Variants in GALK2 observed in about 807,000 individuals in gnomAD.
GALK2 encodes the protein N-acetylgalactosamine kinase.
Under a neutral mutation model 52.4 loss-of-function variants are expected in GALK2, and 36 were observed. That is an observed-to-expected ratio of 0.69 (90% CI 0.53 to 0.91). GALK2 has a LOEUF of 0.91. Ranked by LOEUF, GALK2 falls within the 40% of genes least tolerant of loss-of-function variation. The probability of loss-of-function intolerance (pLI) is 0.00; values close to 1 mark genes in which losing one functional copy is unlikely to be tolerated. For missense variants in GALK2, 579 were observed against 559.1 expected, an observed-to-expected ratio of 1.04 and a Z score of -0.36; for synonymous variants, 176 against 199.1, an observed-to-expected ratio of 0.88 and a Z score of 0.98.
At chr15:49,157,122 G>C (rs2084484569) in intron 1 of GALK2, among the ~76,000 whole-genome samples, 1 of 152,130 alleles carries the variant, frequency 6.6e-6, no homozygotes, top group Non-Finnish European at 1.5e-5. Flanking sequence ...GAGTTAATTT[G>C]TTATTTTAGA....
chr15:49,239,076 T>A, intron 4 of GALK2, 145 bp from the exon 5 acceptor site: 1 of 627,052 alleles, frequency 1.6e-6, no homozygotes, highest in South Asian at 2.2e-5. Context: ...ACATATAGTC[T>A]CAACTAAATT....
intron 3 of GALK2, chr15:49,354,091 G>A (rs891455939): frequency 1.3e-5 from 2 of 152,164 alleles, no homozygotes; most frequent in African/African-American, 4.8e-5. Flanking sequence ...CCACATCACA[G>A]ATAATTCACA....
chr15:49,178,919 T>G (rs2085740842), intron 1 of GALK2, among the ~76,000 whole-genome samples: 1 of 152,252 alleles, frequency 6.6e-6, no homozygotes, highest in Non-Finnish European at 1.5e-5. Flanking sequence ...AGCTGTGGCC[T>G]TAATTTCCAC....
In GALK2 at chr15:49,328,670, G is replaced by T; in HGVS notation, c.*511G>T. ...CACATTCTCTCTCAATTTCAGCTTC[G>T]GAACGCTATGAAAATAATACATGAT... On this transcript the variant is annotated 3_prime_UTR_variant, in exon 10 of 10. Coordinates refer to ENST00000560031, the MANE Select transcript of GALK2 (RefSeq NM_002044.4). 15 of 1,557,230 alleles carry T rather than the reference G, an allele frequency of 9.6e-6. No homozygotes were observed. The highest frequency in any genetic ancestry group is 2.4e-5 in the East Asian group (1 of 41,918).
rs2037941874 is a variant in GALK2, at chr15:49,328,618, A to ATGAT, written c.*460_*463dup. ...TAGTTGTCTGTTGATGATGGTGATG[A>ATGAT]TGATGATGATGACGATAGTGATGCC... On this transcript the variant is annotated 3_prime_UTR_variant, in exon 10 of 10. Coordinates refer to ENST00000560031, the MANE Select transcript of GALK2 (RefSeq NM_002044.4). 6.3e-7 allele frequency: 1 copy of ATGAT among 1,587,862 alleles called. No homozygotes were observed. Among genetic ancestry groups the ATGAT allele is most frequent in the African/African-American group, 1.3e-5 (1 of 74,726 alleles).
chr15:49,366,223 A>G (rs2045155115), intron 3 of GALK2: 6 of 789,058 alleles, frequency 7.6e-6, no homozygotes, highest in Non-Finnish European at 1.4e-5. Flanking sequence ...CAGTAATGTT[A>G]TTTCCTAGAG....
At chr15:49,357,833 C>T (rs573379505) in intron 3 of GALK2, among the ~76,000 whole-genome samples, 1 of 148,958 alleles carries the variant, frequency 6.7e-6, no homozygotes, top group African/African-American at 2.5e-5. Flanking sequence ...ATGCAAAAAT[C>T]CTCAATAAAA....
intron 5 of GALK2, among the ~76,000 whole-genome samples, chr15:49,258,018 C>G (rs190021017): frequency 1.3e-5 from 2 of 150,962 alleles, no homozygotes; most frequent in African/African-American, 4.8e-5. Flanking sequence ...TCTTATACAA[C>G]CAAATATTGG....
chr15:49,169,166 G>A (rs1417931145), upstream of GALK2: 1 of 151,868 alleles, frequency 6.6e-6, no homozygotes, highest in Non-Finnish European at 1.5e-5. Context: ...TATACATATA[G>A]AAATTCTGGA....
At chr15:49,188,779 A>C (rs1395815410) in intron 1 of GALK2, among the ~76,000 whole-genome samples, 1 of 152,208 alleles carries the variant, frequency 6.6e-6, no homozygotes, top group Admixed American at 6.5e-5. Context: ...TTCCTGGTAG[A>C]AGACAAAATC....
intron 3 of GALK2, among the ~76,000 whole-genome samples, chr15:49,230,961 G>A (rs999156380): frequency 6.6e-5 from 10 of 152,126 alleles, no homozygotes; most frequent in Non-Finnish European, 2.9e-5. Context: ...AGATAGGGAT[G>A]TGGGAAAGAG....
At chr15:49,209,316 C>T (rs993573180) in intron 2 of GALK2, among the ~76,000 whole-genome samples, 1 of 152,170 alleles carries the variant, frequency 6.6e-6, no homozygotes, top group African/African-American at 2.4e-5. Context: ...TTTGGATGCC[C>T]TTTACATTTT....
intron 5 of GALK2, among the ~76,000 whole-genome samples, chr15:49,254,741 C>T (rs16962213): frequency 0.07 from 9,984 of 143,206 alleles, 1,552 homozygotes; most frequent in African/African-American, 0.16. Flanking sequence ...ATGCAGGGTG[C>T]TTTTATATTT....
intron 1 of GALK2, among the ~76,000 whole-genome samples, chr15:49,199,688 C>T (rs1181661566): frequency 2.0e-5 from 3 of 152,086 alleles, no homozygotes; most frequent in Non-Finnish European, 2.9e-5. Context: ...GACACAGAAA[C>T]GTAATCAGTT....
At chr15:49,244,386 GAA>G (rs1181299914) in intron 5 of GALK2, among the ~76,000 whole-genome samples, 3 of 152,076 alleles carry the variant, frequency 2.0e-5, no homozygotes, top group Non-Finnish European at 4.4e-5. Flanking sequence ...GAGTGTTATA[GAA>G]AAGACACTAA....
At chr15:49,337,453 C>A (rs1010975047) in intron 3 of GALK2, among the ~76,000 whole-genome samples, 1 of 115,986 alleles carries the variant, frequency 8.6e-6, no homozygotes, top group Non-Finnish European at 1.8e-5. Context: ...TGATGCTAAG[C>A]ATTTTTGCAT....
intron 3 of GALK2, among the ~76,000 whole-genome samples, chr15:49,354,591 G>T (rs1170718173): frequency 6.6e-6 from 1 of 152,184 alleles, no homozygotes; most frequent in African/African-American, 2.4e-5. Flanking sequence ...GGCTGGAAGG[G>T]TCCTACGCCC....
chr15:49,294,140 C>CAAAT (rs10677248), intron 8 of GALK2, among the ~76,000 whole-genome samples: 40,534 of 139,616 alleles, frequency 0.29, 6,517 homozygotes, highest in East Asian at 0.5. Context: ...GACCCTGTCT[C>CAAAT]AAATAAATAA....
At position 49,297,411 on chromosome 15, in the gene GALK2, G is replaced by T. The variant is rs561148234; in HGVS notation, c.967+4874G>T. 5.9e-5 allele frequency among the ~76,000 whole-genome samples: 9 copies of T among 152,114 alleles called. No homozygotes were observed. In the South Asian group the frequency reaches 1.9e-3, roughly 32 times the overall value. On this transcript the variant is annotated intron_variant, in intron 8 of 9. Coordinates refer to ENST00000560031, the MANE Select transcript of GALK2 (RefSeq NM_002044.4). ...GTTTACTCTGTTGACAGTTTCTTTT[G>T]CTGTACAGAAGCTCTTTAGTTTATG... is the stretch of plus-strand genomic sequence containing the variant.
Sources: allele counts gnomAD v4.1 joint callset (sites outside exome capture counted in the v4.1 genomes callset), GRCh38; gene constraint gnomAD v4.1.1; transcripts MANE v1.5; gene names NCBI Gene and HGNC (gene_info 2026-07-23, HGNC 2026-07-21).